Variants in SRGAP2 observed in about 807,000 individuals in gnomAD.
The protein encoded by SRGAP2 is SLIT-ROBO Rho GTPase activating protein 2.
In SRGAP2, 15 loss-of-function variants were observed where a neutral mutation model predicts 57.2. The ratio of observed to expected loss-of-function variants is 0.26; its 90% confidence interval spans 0.18 to 0.40. SRGAP2 has a LOEUF of 0.40. Ranked by LOEUF, SRGAP2 falls within the 10% of genes least tolerant of loss-of-function variation. The pLI, the probability that SRGAP2 is intolerant of heterozygous loss-of-function variation, is 1.00. For missense variants in SRGAP2, 520 were observed against 669.6 expected (o/e 0.78, Z 2.47); for synonymous variants, 249 against 248.0 (o/e 1.00, Z -0.04).
chr1:206,241,658 A>T (rs1321361484), intron 2 of SRGAP2, among the ~76,000 whole-genome samples: 19 of 151,676 alleles, frequency 1.3e-4, no homozygotes, highest in Non-Finnish European at 2.1e-4. Flanking sequence ...GTCTCTTTAG[A>T]AATTAATGTA....
At chr1:206,434,482 C>CT (rs1661558059) in intron 14 of SRGAP2, among the ~76,000 whole-genome samples, 1 of 152,180 alleles carries the variant, frequency 6.6e-6, no homozygotes, top group African/African-American at 2.4e-5. Context: ...GAGTTTTATA[C>CT]TTTCATGTTC....
chr1:206,303,852 G>A (rs1210509932), intron 3 of SRGAP2, among the ~76,000 whole-genome samples: 2 of 148,082 alleles, frequency 1.4e-5, no homozygotes, highest in Non-Finnish European at 3.0e-5. Context: ...CTTAACTCAG[G>A]GTCTATCTTA....
At chr1:206,458,980 T>A in intron 22 of SRGAP2, 33 bp downstream of exon 22, 1 of 702,528 alleles carries the variant, frequency 1.4e-6, no homozygotes, top group East Asian at 2.6e-5. Context: ...ACAGCATGAG[T>A]CTACATTCAT....
chr1:206,332,596 C>T lies in SRGAP2; in HGVS notation c.261-10250C>T, dbSNP rs1483047875. On this transcript the variant is annotated intron_variant, in intron 3 of 22. Coordinates refer to ENST00000573034, the MANE Select transcript of SRGAP2 (RefSeq NM_015326.5). ...GCTGATACCCTTTCTTCCAGTTGAT[C>T]GCATCAGCTCCTGAGGCTTCTGCAT... Among the ~76,000 whole-genome samples the T allele has an allele frequency of 1.1e-4, 16 of 144,116 alleles. 1 individual carries two copies. Among genetic ancestry groups the T allele is most frequent in the African/African-American group, 4.0e-4 (14 of 35,382 alleles). The allele number at this position is 144,116 out of a possible 152,430, so 94.5% of individuals were successfully genotyped here.
rs562193753 is a variant in SRGAP2, at chr1:206,373,092, T to C, written c.424-10922T>C. 1.6e-3 allele frequency among the ~76,000 whole-genome samples: 213 copies of C among 135,484 alleles called. 4 individuals carry two copies. The highest frequency in any genetic ancestry group is 2.6e-3 in the Non-Finnish European group (169 of 64,724). 88.9% of individuals were successfully genotyped at this position (135,484 alleles called of 152,430 possible). On this transcript the variant is annotated intron_variant, in intron 4 of 22. Transcript: ENST00000573034. ...CCCCCACTTCTTTCTTTCTGTCCTTTTTTTTTCTTTTTTTTTTTTTTTTTT... is the reference window on the plus strand; with the variant it reads ...CCCCCACTTCTTTCTTTCTGTCCTTCTTTTTTCTTTTTTTTTTTTTTTTTT...
At chr1:206,237,186 C>T (rs1315804881) in intron 2 of SRGAP2, among the ~76,000 whole-genome samples, 12 of 151,748 alleles carry the variant, frequency 7.9e-5, no homozygotes, top group South Asian at 2.1e-4. Flanking sequence ...CTCTTGAACC[C>T]GGGAGGCAAA....
intron 17 of SRGAP2, among the ~76,000 whole-genome samples, chr1:206,444,657 T>G (rs1242415219): frequency 6.6e-6 from 1 of 152,172 alleles, no homozygotes; most frequent in Admixed American, 6.5e-5. Context: ...GTAATTATCC[T>G]CCTGTCCCTC....
intron 10 of SRGAP2, 45 bp from the exon 11 acceptor site, chr1:206,415,844 T>G: frequency 1.3e-6 from 1 of 749,546 alleles, no homozygotes; most frequent in Non-Finnish European, 2.5e-6. Flanking sequence ...TTTTTTCTTC[T>G]TCTTCAGGAG....
Position 206,446,132 on chromosome 1 carries a change from C to T in SRGAP2, c.1932C>T (p.Phe644=), listed in dbSNP as rs78046976. 3.3e-3 allele frequency: 2,556 copies of T among 780,834 alleles called. 44 individuals are homozygous for T. In the African/African-American group the frequency reaches 0.04, roughly 12 times the overall value. 48.4% of individuals were successfully genotyped at this position (780,834 alleles called of 1,614,324 possible). ...MMDPYNLAIC[F]GPSLMSVPEG... ...ACCCCTACAACCTCGCCATCTGCTT[C>T]GGGCCCTCGCTAATGTCAGTGCCAG... Residue 644 remains phenylalanine, a synonymous_variant, in exon 18 of 23, where the codon TTC becomes TTT. Coordinates refer to ENST00000573034, the MANE Select transcript of SRGAP2 (RefSeq NM_015326.5).
At position 206,314,089 on chromosome 1, in the gene SRGAP2, CTTTTTTGTT is replaced by C. The variant is rs1293523423; in HGVS notation, c.260+10632_260+10640del. On this transcript the variant is annotated intron_variant, in intron 3 of 22. Transcript: ENST00000573034. ...TATCTTTAAAAGAAATAGAGAGGGG[CTTTTTTGTT>C]TTTTTTGTTTTTTTTTTTTTGTTGT... Among the ~76,000 whole-genome samples, 5 of 131,326 alleles carry C rather than the reference CTTTTTTGTT, an allele frequency of 3.8e-5. No individual in the cohort carries two copies. In the South Asian group the frequency reaches 7.2e-4, roughly 19 times the overall value. 86.2% of individuals were successfully genotyped at this position (131,326 alleles called of 152,430 possible). A position where few individuals can be genotyped will look rare whatever the true frequency, so the allele number is the denominator to read the frequency against.
At chr1:206,313,724 T>C (rs1244368063) in intron 3 of SRGAP2, among the ~76,000 whole-genome samples, 36 of 152,274 alleles carry the variant, frequency 2.4e-4, no homozygotes, top group African/African-American at 8.7e-4. Context: ...AGTGGTAGTT[T>C]GCTAAATGAC....
intron 4 of SRGAP2, among the ~76,000 whole-genome samples, chr1:206,356,824 G>A (rs564150436): frequency 6.9e-6 from 1 of 144,876 alleles, no homozygotes; most frequent in Admixed American, 6.8e-5. Flanking sequence ...TGGTCTTTTA[G>A]TTTTTCTACT....
chr1:206,412,835 G>A (rs1659337042), intron 10 of SRGAP2, among the ~76,000 whole-genome samples: 1 of 152,108 alleles, frequency 6.6e-6, no homozygotes, highest in African/African-American at 2.4e-5. Flanking sequence ...GTGGGATAGG[G>A]GAGTGATAAA....
chr1:206,418,888 C>CTCTGTGTG lies in SRGAP2; in HGVS notation c.1442-484_1442-483insCTGTGTGT, dbSNP rs1553363092. ...TTGTTCTCTCAGCCTCCAACTCTCT[C>CTCTGTGTG]TGTGTGTGTGTGTGTGTGTGTGTGT... On this transcript the variant is annotated intron_variant, in intron 11 of 22. Coordinates refer to ENST00000573034, the MANE Select transcript of SRGAP2 (RefSeq NM_015326.5). Among the ~76,000 whole-genome samples the CTCTGTGTG allele has an allele frequency of 1.6e-3, 218 of 136,618 alleles. 2 individuals are homozygous for CTCTGTGTG. Among genetic ancestry groups the CTCTGTGTG allele is most frequent in the East Asian group, 6.2e-3 (29 of 4,678 alleles). The allele number at this position is 136,618 out of a possible 152,430, so 89.6% of individuals were successfully genotyped here. A position where few individuals can be genotyped will look rare whatever the true frequency, so the allele number is the denominator to read the frequency against.
chr1:206,404,491 G>T (rs1296795914), intron 8 of SRGAP2, among the ~76,000 whole-genome samples: 2 of 151,146 alleles, frequency 1.3e-5, no homozygotes, highest in Non-Finnish European at 3.0e-5. Flanking sequence ...TCAGCCTTCT[G>T]CTCCTCATCT....
In SRGAP2 at chr1:206,458,914, C is replaced by T. The variant is rs1553379554; in HGVS notation, c.2799C>T (p.Asn933=). 1.3e-6 allele frequency: 1 copy of T among 778,260 alleles called. No individual in the cohort carries two copies. The highest frequency in any genetic ancestry group is 1.7e-5 in the Admixed American group (1 of 58,730). 48.2% of individuals were successfully genotyped at this position (778,260 alleles called of 1,614,324 possible). The change falls in exon 22 of 23, where the codon AAC becomes AAT. Residue 933 remains asparagine, a synonymous_variant. Coordinates refer to ENST00000573034, the MANE Select transcript of SRGAP2 (RefSeq NM_015326.5). ...CGGGAAGGTCAAAAAGCTTCAATAA[C>T]CATCGGCCCATGGACCCTGAGGTCA... The part of the protein sequence containing the change: ...ATAGRSKSFN[N]HRPMDPEVIA...
At chr1:206,342,116 T>A (rs1292501774) in intron 3 of SRGAP2, among the ~76,000 whole-genome samples, 5 of 152,118 alleles carry the variant, frequency 3.3e-5, no homozygotes, top group African/African-American at 1.2e-4. Flanking sequence ...GGACATGAGA[T>A]CATGGCTCAA....
chr1:206,241,950 GTGTTT>G lies in SRGAP2; in HGVS notation c.67+35915_67+35919del. On this transcript the variant is annotated intron_variant, in intron 2 of 22. Transcript: ENST00000573034. ...TGTGTGTGTGTGTGTGTGTGTGTGT[GTGTTT>G]TATCTCCTTCAACTCTGACCACCTG... Among the ~76,000 whole-genome samples the G allele has an allele frequency of 3.0e-5, 4 of 134,152 alleles. No individual in the cohort carries two copies. In the East Asian group the frequency reaches 8.6e-4, roughly 29 times the overall value. The allele number at this position is 134,152 out of a possible 152,430, so 88.0% of individuals were successfully genotyped here. A position where few individuals can be genotyped will look rare whatever the true frequency, so the allele number is the denominator to read the frequency against.
intron 4 of SRGAP2, among the ~76,000 whole-genome samples, chr1:206,346,064 C>T (rs148301522): frequency 0.013 from 1,912 of 152,296 alleles, 22 homozygotes; most frequent in South Asian, 0.027. Context: ...TGTCGTTGCA[C>T]ATGAATTAGA....
Sources: allele counts gnomAD v4.1 joint callset (sites outside exome capture counted in the v4.1 genomes callset), GRCh38; gene constraint gnomAD v4.1.1; transcripts MANE v1.5; gene names NCBI Gene and HGNC (gene_info 2026-07-23, HGNC 2026-07-21).